ZBTB7C: variants seen among roughly 807,000 people sequenced by gnomAD.
ZBTB7C encodes zinc finger and BTB domain-containing protein 7C.
Under a neutral mutation model 25.7 loss-of-function variants are expected in ZBTB7C, and 8 were observed. The ratio of observed to expected loss-of-function variants is 0.31; its 90% CI spans 0.18 to 0.56. The LOEUF is 0.56. ZBTB7C is among the 20% of genes least tolerant of loss of function. ZBTB7C has a pLI of 0.91. For missense variants in ZBTB7C, 824 were observed against 855.2 expected, an observed-to-expected ratio of 0.96 and a Z score of 0.46; for synonymous variants, 394 against 369.0, an observed-to-expected ratio of 1.07 and a Z score of -0.78.
intron 2 of ZBTB7C, among the ~76,000 whole-genome samples, chr18:48,272,492 A>G (rs2044523661): frequency 6.6e-6 from 1 of 152,230 alleles, no homozygotes; most frequent in Non-Finnish European, 1.5e-5. Flanking sequence ...TAATCTCCCA[A>G]AACCAATCTG....
At chr18:48,313,608 T>A (rs964648372) in intron 2 of ZBTB7C, among the ~76,000 whole-genome samples, 1 of 152,084 alleles carries the variant, frequency 6.6e-6, no homozygotes, top group East Asian at 1.9e-4. Context: ...AAATGTAGAG[T>A]CTCTGCCCTG....
intron 2 of ZBTB7C, among the ~76,000 whole-genome samples, chr18:48,274,296 T>C (rs1414415303): frequency 6.6e-6 from 1 of 152,224 alleles, no homozygotes. Context: ...GGTTTATTTG[T>C]TAAATCAGAT....
chr18:48,337,046 C>T (rs146666052), intron 2 of ZBTB7C, among the ~76,000 whole-genome samples: 1,695 of 152,346 alleles, frequency 0.011, 14 homozygotes, highest in Non-Finnish European at 0.016. Flanking sequence ...GGTTGATCCA[C>T]TTCCTAGAGC....
intron 2 of ZBTB7C, among the ~76,000 whole-genome samples, chr18:48,320,764 C>T (rs1229486383): frequency 1.3e-5 from 2 of 152,358 alleles, no homozygotes; most frequent in African/African-American, 4.8e-5. Context: ...GCAGCTGCGG[C>T]CCTGCTTCTC....
intron 3 of ZBTB7C, among the ~76,000 whole-genome samples, chr18:48,145,206 T>C (rs2040463228): frequency 6.6e-6 from 1 of 152,202 alleles, no homozygotes; most frequent in South Asian, 2.1e-4. Flanking sequence ...CTCTGTCTGC[T>C]TCCTTTCTTG....
chr18:48,079,210 G>T (rs1218234356), intron 3 of ZBTB7C, among the ~76,000 whole-genome samples: 1 of 152,192 alleles, frequency 6.6e-6, no homozygotes, highest in Non-Finnish European at 1.5e-5. Context: ...GTCACGATAT[G>T]ATGTATGGCC....
chr18:48,203,112 G>A (rs1046659220), intron 2 of ZBTB7C, among the ~76,000 whole-genome samples: 4 of 152,172 alleles, frequency 2.6e-5, no homozygotes, highest in African/African-American at 9.7e-5. Context: ...AGGCCCAGAT[G>A]CCTAGCTTTG....
intron 2 of ZBTB7C, among the ~76,000 whole-genome samples, chr18:48,328,663 G>A (rs2144896402): frequency 6.6e-6 from 1 of 152,252 alleles, no homozygotes; most frequent in African/African-American, 2.4e-5. Flanking sequence ...TGAGTTCATG[G>A]CAAAGCTGGG....
chr18:48,252,000 C>G (rs1488707026), intron 2 of ZBTB7C, among the ~76,000 whole-genome samples: 4 of 152,160 alleles, frequency 2.6e-5, no homozygotes, highest in African/African-American at 4.8e-5. Context: ...GGTATTTACC[C>G]CAGACAATGA....
chr18:48,390,820 G>A (rs865917454), intron 1 of ZBTB7C, among the ~76,000 whole-genome samples: 12 of 152,324 alleles, frequency 7.9e-5, no homozygotes, highest in African/African-American at 2.2e-4. Context: ...TCCCCGTGGC[G>A]GCTGGAGAGG....
chr18:48,052,896 C>T (rs907196900), intron 3 of ZBTB7C, among the ~76,000 whole-genome samples: 1 of 152,146 alleles, frequency 6.6e-6, no homozygotes, highest in Non-Finnish European at 1.5e-5. Context: ...ATGCACAGCT[C>T]GACTTCAGAT....
At chr18:48,344,562 A>G (rs569844402) in intron 1 of ZBTB7C, among the ~76,000 whole-genome samples, 20 of 152,352 alleles carry the variant, frequency 1.3e-4, no homozygotes, top group Non-Finnish European at 2.4e-4. Flanking sequence ...TATCCAAAAC[A>G]GAGAAGGAGT....
chr18:48,321,969 C>G (rs2046106148), intron 2 of ZBTB7C, among the ~76,000 whole-genome samples: 1 of 152,250 alleles, frequency 6.6e-6, no homozygotes, highest in South Asian at 2.1e-4. Context: ...AGACCCCATT[C>G]ACAGCGGATC....
At chr18:48,049,182 A>C (rs2036588098) in intron 3 of ZBTB7C, among the ~76,000 whole-genome samples, 1 of 152,262 alleles carries the variant, frequency 6.6e-6, no homozygotes, top group African/African-American at 2.4e-5. Flanking sequence ...CAGTGCCCCC[A>C]ACTAGGTGCA....
chr18:48,280,840 TTCTC>T lies in ZBTB7C; in HGVS notation c.-79+57330_-79+57333del, dbSNP rs1251123655. ...GCACCAGCTTTCCTAGGTAATTTTT[TTCTC>T]TCTCTTTTTTTTTTTTTTTTTTTTT... On this transcript the variant is annotated intron_variant, in intron 2 of 4. Coordinates refer to ENST00000590800, the MANE Select transcript of ZBTB7C (RefSeq NM_001318841.2). Among the ~76,000 whole-genome samples, 32 of 147,122 alleles carry T rather than the reference TTCTC, an allele frequency of 2.2e-4. 1 individual carries two copies. Among genetic ancestry groups the T allele is most frequent in the Non-Finnish European group, 7.4e-5 (5 of 67,186 alleles).
chr18:48,111,279 A>G (rs538235591), intron 3 of ZBTB7C, among the ~76,000 whole-genome samples: 2 of 152,308 alleles, frequency 1.3e-5, no homozygotes, highest in South Asian at 2.1e-4. Context: ...GGAATAAAAA[A>G]CAAGCCCAAA....
At chr18:48,179,673 CTCCTTCCTTCCTTCCT>C (rs113058200) in intron 3 of ZBTB7C, among the ~76,000 whole-genome samples, 4 of 146,160 alleles carry the variant, frequency 2.7e-5, no homozygotes, top group Admixed American at 6.7e-5. Flanking sequence ...ATATTTCTCT[CTCCTTCCTTCCTTCCT>C]TCCTTCCTTC....
At chr18:48,063,105 C>T (rs2037185393) in intron 3 of ZBTB7C, among the ~76,000 whole-genome samples, 1 of 152,216 alleles carries the variant, frequency 6.6e-6, no homozygotes, top group South Asian at 2.1e-4. Context: ...AAAGGTGAGA[C>T]CAACATGTCT....
Position 48,029,866 on chromosome 18 carries a change from C to A in ZBTB7C, c.1254G>T (p.Arg418=). Reference sequence around the variant, plus strand: ...CGTTGCAGTGGATGCACAGGTAGGGCCGCTCCCCTGTGTGCTTCCGCATGT... The same window carrying A: ...CGTTGCAGTGGATGCACAGGTAGGGACGCTCCCCTGTGTGCTTCCGCATGT... ...KIHMRKHTGE[R]PYLCIHCNAK... Residue 418 remains arginine (R), a synonymous_variant, in exon 5 of 5, where the codon CGG becomes CGT. Transcript: ENST00000590800. 6.2e-7 allele frequency: 1 copy of A among 1,611,380 alleles called. No individual in the cohort carries two copies.
Sources: gnomAD v4.1 joint callset for allele counts (sites outside exome capture counted in the v4.1 genomes callset) on GRCh38, gnomAD v4.1.1 for gene constraint, MANE v1.5 for transcripts, NCBI Gene and HGNC (gene_info 2026-07-23, HGNC 2026-07-21) for gene names.